Variants in NFKBID observed in about 807,000 individuals in gnomAD.
NFKBID encodes the protein NF-kappa-B inhibitor delta.
Under a neutral mutation model 53.4 loss-of-function variants are expected in NFKBID, and 26 were observed. That is an observed-to-expected ratio of 0.49 (90% CI 0.36 to 0.68). The LOEUF (loss-of-function observed/expected upper bound fraction) is 0.68. NFKBID is among the 30% of genes least tolerant of loss of function. The probability of loss-of-function intolerance (pLI) is 0.00; values close to 1 mark genes in which losing one functional copy is unlikely to be tolerated. For synonymous variants in NFKBID, 262 were observed against 259.8 expected (o/e 1.01, Z -0.08); for missense variants, 493 against 614.1 (o/e 0.80, Z 2.08).
intron 9 of NFKBID, among the ~76,000 whole-genome samples, chr19:35,891,878 G>T (rs902289718): frequency 6.6e-6 from 1 of 150,652 alleles, no homozygotes; most frequent in Non-Finnish European, 1.5e-5. Context: ...AAAAAAAAAA[G>T]CTATGTTTTT....
At chr19:35,892,765 C>T (rs1444943993) in intron 9 of NFKBID, among the ~76,000 whole-genome samples, 1 of 152,226 alleles carries the variant, frequency 6.6e-6, no homozygotes, top group African/African-American at 2.4e-5. Flanking sequence ...AGGCAGCTCT[C>T]ATCCCAATTT....
intron 4 of NFKBID, 58 bp from the exon 5 acceptor site, chr19:35,897,116 G>A: frequency 1.3e-6 from 2 of 1,556,030 alleles, no homozygotes; most frequent in Non-Finnish European, 1.7e-6. Flanking sequence ...GGAGGGTGCA[G>A]GTGGTGGGGA....
At chr19:35,897,919 G>T in intron 3 of NFKBID, 63 bp from the exon 4 acceptor site, 1 of 1,157,738 alleles carries the variant, frequency 8.6e-7, no homozygotes, top group South Asian at 1.3e-5. Flanking sequence ...TCACATCCAG[G>T]GCTAGAGGGC....
chr19:35,896,648 C>T lies in NFKBID; in HGVS notation c.684+78G>A. 6.7e-7 allele frequency: 1 copy of T among 1,481,654 alleles called. No homozygotes were observed. Among genetic ancestry groups the T allele is most frequent in the Non-Finnish European group, 9.3e-7 (1 of 1,069,782 alleles). The allele number at this position is 1,481,654 out of a possible 1,614,324, so 91.8% of individuals were successfully genotyped here. ...CCAGGAGCTCACCCCCCATTCCCCT[C>T]TTCTCTAGGATCCAGGGGTCCAGGC... On this transcript the variant is annotated intron_variant, in intron 6 of 11. Transcript: ENST00000641389. The surrounding 1 kb of genome is among the most constrained non-coding windows in gnomAD (Gnocchi z 5.7).
At chr19:35,900,786 G>A (rs1296825170), upstream of NFKBID, 2 of 418,834 alleles carry the variant, frequency 4.8e-6, no homozygotes, top group Non-Finnish European at 8.1e-6. Flanking sequence ...GAAACCGGGG[G>A]GCCTGGATTT....
chr19:35,890,115 TG>T lies in NFKBID; in HGVS notation c.1150-62del. On this transcript the variant is annotated intron_variant, in intron 10 of 11. Transcript: ENST00000641389. ...GCTCAGCTGGCCCAGGCCTCTAAACTGCACTTCAATTTCTGCCTTGTCTACG... is the reference window on the plus strand; with the variant it reads ...GCTCAGCTGGCCCAGGCCTCTAAACTCACTTCAATTTCTGCCTTGTCTACG... The T allele has an allele frequency of 4.0e-6, 6 of 1,487,244 alleles. No individual in the cohort carries two copies. The South Asian group carries it at 7.2e-5, about 18-fold the overall frequency. The allele number at this position is 1,487,244 out of a possible 1,614,324, so 92.1% of individuals were successfully genotyped here. A position where few individuals can be genotyped will look rare whatever the true frequency, so the allele number is the denominator to read the frequency against.
chr19:35,898,591 T>A lies in NFKBID; in HGVS notation c.166-59A>T, dbSNP rs922101707. The A allele has an allele frequency of 3.3e-5, 47 of 1,441,034 alleles. No homozygotes were observed. In the South Asian group the frequency reaches 5.5e-4, roughly 17 times the overall value. 89.3% of individuals were successfully genotyped at this position (1,441,034 alleles called of 1,614,324 possible). The stretch of plus-strand genomic sequence containing the variant: ...ACTTTATCTGGCAGATTCCTCCGGG[T>A]CTGTCTCGGATCTATAAGACATTTC... On this transcript the variant is annotated intron_variant, in intron 2 of 11. Coordinates refer to ENST00000641389, the Ensembl canonical transcript of NFKBID.
At position 35,890,356 on chromosome 19, in the gene NFKBID, C is replaced by T; in HGVS notation, c.1149+18G>A. The T allele has an allele frequency of 6.4e-7, 1 of 1,565,938 alleles. No individual in the cohort carries two copies. Among genetic ancestry groups the T allele is most frequent in the South Asian group, 1.1e-5 (1 of 89,978 alleles). ...ACCGTACCCCACACAATCTGCACTT[C>T]CCAGCCCCAGCTCCCACCTTCATGT... On this transcript the variant is annotated intron_variant, in intron 10 of 11. Transcript: ENST00000641389.
Position 35,896,443 on chromosome 19 carries a change from T to C in NFKBID, c.780A>G (p.Gly260=). The stretch of plus-strand genomic sequence containing the variant: ...TAGCGGCCACGTGCAAGACCGAACG[T>C]CCCTGATGGTCAGCGGCATTGGGCT... Residue 260 remains glycine (G), a synonymous_variant, in exon 7 of 12, where the codon GGA becomes GGG. Transcript: ENST00000641389. The surrounding 1 kb of genome is among the most constrained non-coding windows in gnomAD (Gnocchi z 5.7). 1 of 1,614,090 alleles carries C rather than the reference T, an allele frequency of 6.2e-7. No homozygotes were observed. The highest frequency in any genetic ancestry group is 2.2e-5 in the East Asian group (1 of 44,870).
chr19:35,896,000 C>T, exon 9 of NFKBID: 1 of 1,614,136 alleles, frequency 6.2e-7, no homozygotes, highest in South Asian at 1.1e-5. Flanking sequence ...TGATTAGCAC[C>T]CATTTGCAGC....
chr19:35,900,072 A>ACCCCC (rs1568498131), intron 1 of NFKBID, among the ~76,000 whole-genome samples: 1 of 794 alleles, frequency 1.3e-3, no homozygotes, highest in Non-Finnish European at 2.5e-3. Flanking sequence ...TTAAGCAACC[A>ACCCCC]CGCCCCCCCC....
exon 11 of NFKBID, chr19:35,889,997 C>T: frequency 6.2e-7 from 1 of 1,609,756 alleles, no homozygotes; most frequent in Non-Finnish European, 8.5e-7. Context: ...ACGATGGCCT[C>T]CTGGGCCGGC....
At position 35,896,910 on chromosome 19, in the gene NFKBID, C is replaced by T. The variant is rs1397333534; in HGVS notation, c.578+3G>A. On this transcript the variant is annotated splice_donor_region_variant and intron_variant, in intron 5 of 11. Coordinates refer to ENST00000641389, the Ensembl canonical transcript of NFKBID. The surrounding 1 kb of genome is among the most constrained non-coding windows in gnomAD (Gnocchi z 5.7). ...TGCAGACAACCCTATCCCTTATACT[C>T]ACGTGTCCCCCTCCTCATCCTGGGC... 1 of 1,609,096 alleles carries T rather than the reference C, an allele frequency of 6.2e-7. No homozygotes were observed. The highest frequency in any genetic ancestry group is 8.5e-7 in the Non-Finnish European group (1 of 1,176,584).
At chr19:35,892,650 T>C (rs371403845) in intron 9 of NFKBID, among the ~76,000 whole-genome samples, 1 of 152,316 alleles carries the variant, frequency 6.6e-6, no homozygotes, top group East Asian at 1.9e-4. Context: ...TCATCATTTC[T>C]TGCTCAACTT....
chr19:35,898,632 T>G lies in NFKBID; in HGVS notation c.165+87A>C, dbSNP rs529925671. The G allele has an allele frequency of 2.5e-5, 35 of 1,410,532 alleles. No homozygotes were observed. In the South Asian group the frequency reaches 4.4e-4, roughly 18 times the overall value. The allele number at this position is 1,410,532 out of a possible 1,614,324, so 87.4% of individuals were successfully genotyped here. A position where few individuals can be genotyped will look rare whatever the true frequency, so the allele number is the denominator to read the frequency against. ...AAGACATTTCGGTCAGGACCACCCC[T>G]CTCATCAGCCCCGAGGGCCCGGCAA... On this transcript the variant is annotated intron_variant, in intron 2 of 11. Coordinates refer to ENST00000641389, the Ensembl canonical transcript of NFKBID.
intron 11 of NFKBID, 124 bp from the exon 12 acceptor site, chr19:35,888,736 C>T (rs1340601917): frequency 1.4e-6 from 1 of 707,478 alleles, no homozygotes; most frequent in Non-Finnish European, 2.5e-6. Flanking sequence ...ATTTGAAGAT[C>T]AGAGGTCCAG....
rs1568492637 is a variant in NFKBID, at chr19:35,896,593, C to T, written c.685-55G>A. 6.3e-7 allele frequency: 1 copy of T among 1,596,326 alleles called. No individual in the cohort carries two copies. On this transcript the variant is annotated intron_variant, in intron 6 of 11. Transcript: ENST00000641389. This position sits in a 1 kb window ranked among gnomAD's most constrained non-coding sequence, Gnocchi z 5.7. ...CTCCTGGTTCCCTCCCGTCAGAAAA[C>T]CAGGCTCCCAGCCCCATCCCCCCTC...
intron 9 of NFKBID, chr19:35,890,772 G>A (rs1974713508): frequency 2.4e-6 from 1 of 418,898 alleles, no homozygotes; most frequent in African/African-American, 2.0e-5. Context: ...GCTGAGGCAG[G>A]AGGTTCATTT....
chr19:35,895,320 C>CAAAAAAAAA (rs74172772), intron 9 of NFKBID, among the ~76,000 whole-genome samples: 3 of 72,172 alleles, frequency 4.2e-5, no homozygotes, highest in Non-Finnish European at 7.0e-5. Context: ...TACTAAAATA[C>CAAAAAAAAA]AAAAAAAAAA....
Sources: allele counts gnomAD v4.1 joint callset (sites outside exome capture counted in the v4.1 genomes callset), GRCh38; gene constraint gnomAD v4.1.1; non-coding constraint Gnocchi (gnomAD v3.1); transcripts MANE v1.5; gene names NCBI Gene and HGNC (gene_info 2026-07-23, HGNC 2026-07-21).